Variants in HS3ST4 observed in about 807,000 individuals in gnomAD.
HS3ST4 encodes the protein heparan sulfate glucosamine 3-O-sulfotransferase 4.
HS3ST4 carries 17 observed loss-of-function variants against 29.2 expected under a neutral mutation model. The observed-to-expected ratio is 0.58, with a 90% CI of 0.40 to 0.87. The LOEUF (loss-of-function observed/expected upper bound fraction) is 0.87, where lower values mean the gene tolerates loss of function less well. Ranked by LOEUF, HS3ST4 falls within the 40% of genes least tolerant of loss-of-function variation. HS3ST4 has a pLI of 0.00. For missense variants in HS3ST4, 627 were observed against 634.5 expected, an observed-to-expected ratio of 0.99 and a Z score of 0.13; for synonymous variants, 314 against 285.7, an observed-to-expected ratio of 1.10 and a Z score of -1.00.
At position 26,115,258 on chromosome 16, in the gene HS3ST4, CAT is replaced by C. The variant is rs138181459; in HGVS notation, c.735-20346_735-20345del. 9.9e-3 allele frequency among the ~76,000 whole-genome samples: 1,363 copies of C among 137,620 alleles called. 19 individuals are homozygous for C. The highest frequency in any genetic ancestry group is 0.032 in the African/African-American group (1,264 of 40,068). 90.3% of individuals were successfully genotyped at this position (137,620 alleles called of 152,430 possible). A position where few individuals can be genotyped will look rare whatever the true frequency, so the allele number is the denominator to read the frequency against. On this transcript the variant is annotated intron_variant, in intron 1 of 1. Transcript: ENST00000331351. The stretch of plus-strand genomic sequence containing the variant: ...GTGTATGTGTGTGTATATATATATA[CAT>C]ATATATACACACACACACACACACA...
At chr16:25,839,601 T>G (rs1418893474) in intron 1 of HS3ST4, among the ~76,000 whole-genome samples, 1 of 152,222 alleles carries the variant, frequency 6.6e-6, no homozygotes, top group Non-Finnish European at 1.5e-5. Context: ...TACATGGTCT[T>G]TTTCTTTTCC....
intron 1 of HS3ST4, among the ~76,000 whole-genome samples, chr16:25,812,777 C>T (rs1013167228): frequency 1.3e-5 from 2 of 151,758 alleles, no homozygotes; most frequent in Admixed American, 6.6e-5. Flanking sequence ...TCATAGCTCA[C>T]TGCAGCCTCG....
intron 1 of HS3ST4, among the ~76,000 whole-genome samples, chr16:25,800,234 T>C (rs188126396): frequency 3.0e-4 from 46 of 152,304 alleles, no homozygotes; most frequent in African/African-American, 1.1e-3. Context: ...GTAAGTTTCT[T>C]TTAACCTTAG....
At chr16:26,027,964 A>G (rs2141751580) in intron 1 of HS3ST4, among the ~76,000 whole-genome samples, 1 of 152,276 alleles carries the variant, frequency 6.6e-6, no homozygotes, top group East Asian at 1.9e-4. Flanking sequence ...TTTTTAATTC[A>G]GAATAAAGAT....
chr16:25,873,632 C>T (rs1331536387), intron 1 of HS3ST4, among the ~76,000 whole-genome samples: 2 of 147,354 alleles, frequency 1.4e-5, no homozygotes, highest in Non-Finnish European at 1.5e-5. Flanking sequence ...ACCCACCCAT[C>T]CATTCATCCA....
chr16:25,713,793 C>T (rs1966433480), intron 1 of HS3ST4, among the ~76,000 whole-genome samples: 1 of 152,154 alleles, frequency 6.6e-6, no homozygotes, highest in Non-Finnish European at 1.5e-5. Context: ...GAGAACACAA[C>T]TCGGTCCATA....
chr16:25,988,457 A>G (rs1009740628), intron 1 of HS3ST4, among the ~76,000 whole-genome samples: 1 of 152,212 alleles, frequency 6.6e-6, no homozygotes, highest in Non-Finnish European at 1.5e-5. Context: ...GCATAGACTC[A>G]TTTAAATTCA....
chr16:25,696,094 A>C (rs1966294153), intron 1 of HS3ST4, among the ~76,000 whole-genome samples: 1 of 152,222 alleles, frequency 6.6e-6, no homozygotes, highest in South Asian at 2.1e-4. Flanking sequence ...CGTGTGCATC[A>C]GATTTTCAGG....
chr16:25,944,813 T>G (rs1013860137), intron 1 of HS3ST4, among the ~76,000 whole-genome samples: 1 of 152,094 alleles, frequency 6.6e-6, no homozygotes, highest in Non-Finnish European at 1.5e-5. Flanking sequence ...TGACCAGTCA[T>G]CAATAAAAGC....
rs373302668 is a variant in HS3ST4, at chr16:25,726,441, A to AAC, written c.734+33302_734+33303dup. ...CATTGCAGTGAACAAATGGGTATGA[A>AAC]ACACACACACACATACACACACACA... is the stretch of plus-strand genomic sequence containing the variant. On this transcript the variant is annotated intron_variant, in intron 1 of 1. Coordinates refer to ENST00000331351, the MANE Select transcript of HS3ST4 (RefSeq NM_006040.3). Among the ~76,000 whole-genome samples the AAC allele has an allele frequency of 2.6e-5, 4 of 152,080 alleles. No homozygotes were observed. In the East Asian group the frequency reaches 5.8e-4, roughly 22 times the overall value.
intron 1 of HS3ST4, among the ~76,000 whole-genome samples, chr16:26,026,888 T>C (rs1969481291): frequency 6.6e-6 from 1 of 152,156 alleles, no homozygotes; most frequent in African/African-American, 2.4e-5. Context: ...GGAGATGTCC[T>C]CATGGGACAT....
At chr16:25,968,299 T>G (rs1295934043) in intron 1 of HS3ST4, among the ~76,000 whole-genome samples, 1 of 152,134 alleles carries the variant, frequency 6.6e-6, no homozygotes, top group Non-Finnish European at 1.5e-5. Context: ...CAGTGCGACA[T>G]TTAAATCTGG....
chr16:25,727,111 A>G (rs1332830588), intron 1 of HS3ST4, among the ~76,000 whole-genome samples: 2 of 152,180 alleles, frequency 1.3e-5, no homozygotes, highest in African/African-American at 2.4e-5. Context: ...AAGAACAGGT[A>G]TGTACTTAGA....
chr16:25,804,139 G>A (rs188175290), intron 1 of HS3ST4, among the ~76,000 whole-genome samples: 4 of 152,186 alleles, frequency 2.6e-5, no homozygotes, highest in Non-Finnish European at 4.4e-5. Context: ...TAGATAAGAC[G>A]TGAGAATTCG....
chr16:25,863,198 C>T (rs1967656489), intron 1 of HS3ST4, among the ~76,000 whole-genome samples: 1 of 152,102 alleles, frequency 6.6e-6, no homozygotes, highest in Non-Finnish European at 1.5e-5. Context: ...ATTTTCCTGC[C>T]TCAGCCTCCC....
intron 1 of HS3ST4, among the ~76,000 whole-genome samples, chr16:26,078,816 C>G (rs529340322): frequency 6.6e-6 from 1 of 152,338 alleles, no homozygotes; most frequent in South Asian, 2.1e-4. Flanking sequence ...CAGTCTTTAA[C>G]CACGATGCTG....
intron 1 of HS3ST4, among the ~76,000 whole-genome samples, chr16:26,108,528 G>A (rs1471438609): frequency 2.6e-5 from 4 of 152,204 alleles, no homozygotes; most frequent in Non-Finnish European, 5.9e-5. Context: ...AAGAGCAAGA[G>A]TGGACTTATT....
At chr16:25,814,353 C>T (rs1420847038) in intron 1 of HS3ST4, among the ~76,000 whole-genome samples, 23 of 138,976 alleles carry the variant, frequency 1.7e-4, no homozygotes, top group East Asian at 8.4e-4. Context: ...TTTTTTTTGG[C>T]GGGGGCGGGG....
intron 1 of HS3ST4, among the ~76,000 whole-genome samples, chr16:26,105,967 A>G (rs1025399954): frequency 2.0e-5 from 3 of 152,232 alleles, no homozygotes; most frequent in African/African-American, 7.2e-5. Flanking sequence ...GTATAGAAAG[A>G]GAAGATGAAG....
Sources: gnomAD v4.1 joint callset for allele counts (sites outside exome capture counted in the v4.1 genomes callset) on GRCh38, gnomAD v4.1.1 for gene constraint, MANE v1.5 for transcripts, NCBI Gene and HGNC (gene_info 2026-07-23, HGNC 2026-07-21) for gene names.